Variants in LINGO2 observed in about 807,000 individuals in gnomAD.
LINGO2 encodes the protein leucine rich repeat and Ig domain containing 2.
In LINGO2, 14 loss-of-function variants were observed where a neutral mutation model predicts 30.6. That is an observed-to-expected ratio of 0.46 (90% CI 0.30 to 0.72). The LOEUF is 0.72. Among genes scored for constraint, LINGO2 ranks in the 30% least tolerant of loss-of-function variants. The pLI is 0.07. For missense variants in LINGO2, 729 were observed against 751.7 expected (o/e 0.97, Z 0.35); for synonymous variants, 317 against 288.5 (o/e 1.10, Z -1.00).
the LINGO2 span, among the ~76,000 whole-genome samples, chr9:29,213,230 T>G: frequency 6.6e-6 from 1 of 152,178 alleles, no homozygotes; most frequent in Non-Finnish European, 1.5e-5. Flanking sequence ...GTCAATTCCC[T>G]GGCATCAGGC....
intron 4 of LINGO2, among the ~76,000 whole-genome samples, chr9:28,291,315 A>G (rs1823718936): frequency 6.6e-6 from 1 of 152,192 alleles, no homozygotes; most frequent in Non-Finnish European, 1.5e-5. Context: ...AAGTGAACAG[A>G]AAAAGAGCTG....
chr9:28,254,074 G>A (rs1822300798), intron 4 of LINGO2, among the ~76,000 whole-genome samples: 1 of 151,968 alleles, frequency 6.6e-6, no homozygotes, highest in African/African-American at 2.4e-5. Flanking sequence ...ATATTTCATG[G>A]CCGTGTGACA....
At chr9:28,935,470 A>G in the LINGO2 span, among the ~76,000 whole-genome samples, 1 of 151,772 alleles carries the variant, frequency 6.6e-6, no homozygotes, top group Non-Finnish European at 1.5e-5. Flanking sequence ...TTAAAAGTTA[A>G]GGCAATGTAA....
At chr9:28,538,032 G>C (rs1821510749) in intron 1 of LINGO2, among the ~76,000 whole-genome samples, 1 of 151,988 alleles carries the variant, frequency 6.6e-6, no homozygotes, top group Non-Finnish European at 1.5e-5. Context: ...TGAAAAAATA[G>C]ATTTTAAGTA....
chr9:29,033,378 C>CTATATATATA, the LINGO2 span, among the ~76,000 whole-genome samples: 5,120 of 140,670 alleles, frequency 0.036, 115 homozygotes, highest in Middle Eastern at 0.078. Context: ...AACTGCTTTA[C>CTATATATATA]TATATATATA....
At chr9:28,773,023 A>G in the LINGO2 span, among the ~76,000 whole-genome samples, 1 of 152,240 alleles carries the variant, frequency 6.6e-6, no homozygotes, top group Admixed American at 6.5e-5. Flanking sequence ...ATAATCACAT[A>G]AAAGTGAAAT....
the LINGO2 span, among the ~76,000 whole-genome samples, chr9:29,029,684 A>G: frequency 6.6e-6 from 1 of 152,140 alleles, no homozygotes; most frequent in Admixed American, 6.6e-5. Context: ...ATCACTTTGA[A>G]GAGAAATGTA....
At chr9:28,947,502 C>A in the LINGO2 span, among the ~76,000 whole-genome samples, 1 of 151,992 alleles carries the variant, frequency 6.6e-6, no homozygotes, top group East Asian at 1.9e-4. Flanking sequence ...AAATAATGTA[C>A]ATACACATAG....
At chr9:28,413,267 C>A (rs1287451724) in intron 2 of LINGO2, among the ~76,000 whole-genome samples, 2 of 151,944 alleles carry the variant, frequency 1.3e-5, no homozygotes, top group Admixed American at 6.6e-5. Context: ...CATCTGAAAA[C>A]AGAATAATTT....
intron 4 of LINGO2, among the ~76,000 whole-genome samples, chr9:28,294,838 T>C (rs1409408034): frequency 6.6e-6 from 1 of 152,210 alleles, no homozygotes; most frequent in Non-Finnish European, 1.5e-5. Context: ...TATTCACTTC[T>C]ATATTGTGTA....
intron 4 of LINGO2, among the ~76,000 whole-genome samples, chr9:28,205,150 T>C (rs73645613): frequency 0.057 from 8,699 of 152,266 alleles, 357 homozygotes; most frequent in African/African-American, 0.11. Flanking sequence ...TAGGAGTATA[T>C]ATCACATTTA....
chr9:28,224,344 G>A (rs539310579), intron 4 of LINGO2, among the ~76,000 whole-genome samples: 12 of 152,292 alleles, frequency 7.9e-5, no homozygotes, highest in Admixed American at 4.6e-4. Context: ...GATTACAGGC[G>A]TGAGCCACCG....
intron 4 of LINGO2, among the ~76,000 whole-genome samples, chr9:28,100,393 G>A (rs1335241355): frequency 6.6e-6 from 1 of 152,158 alleles, no homozygotes; most frequent in East Asian, 1.9e-4. Flanking sequence ...AGGGAGGTAA[G>A]CAGAGGGCTT....
At chr9:28,508,554 T>C (rs933550711) in intron 1 of LINGO2, among the ~76,000 whole-genome samples, 1 of 152,106 alleles carries the variant, frequency 6.6e-6, no homozygotes, top group South Asian at 2.1e-4. Flanking sequence ...TGAAATGATT[T>C]TCCTACTTTT....
chr9:28,506,485 C>CATATATATAT (rs1491111372), intron 1 of LINGO2, among the ~76,000 whole-genome samples: 846 of 73,190 alleles, frequency 0.012, 124 homozygotes, highest in Middle Eastern at 0.026. Flanking sequence ...CACACATACA[C>CATATATATAT]ATACACACAC....
At chr9:28,040,307 C>T (rs1226781203) in intron 4 of LINGO2, among the ~76,000 whole-genome samples, 1 of 152,082 alleles carries the variant, frequency 6.6e-6, no homozygotes, top group Non-Finnish European at 1.5e-5. Context: ...ACCGGGAAGC[C>T]TTCACTACTA....
At chr9:29,176,272 T>A in the LINGO2 span, among the ~76,000 whole-genome samples, 1 of 152,196 alleles carries the variant, frequency 6.6e-6, no homozygotes, top group Non-Finnish European at 1.5e-5. Context: ...TCACTCTTGT[T>A]TTCCCCTGAT....
intron 4 of LINGO2, among the ~76,000 whole-genome samples, chr9:28,046,935 T>C (rs1406275762): frequency 6.6e-6 from 1 of 152,110 alleles, no homozygotes; most frequent in Non-Finnish European, 1.5e-5. Flanking sequence ...GTTCTGGGTA[T>C]GTGATTTGAG....
At position 27,988,689 on chromosome 9, in the gene LINGO2, GTTGT is replaced by G. The variant is rs562010376; in HGVS notation, c.-36+23662_-36+23665del. ...TATCCTTTGCCCACTTTTTGATGGG[GTTGT>G]TTGTTTCTGTTCTCCCTATCTTTAT... is the stretch of plus-strand genomic sequence containing the variant. On this transcript the variant is annotated intron_variant, in intron 5 of 5. Transcript: ENST00000379992. Among the ~76,000 whole-genome samples the G allele has an allele frequency of 1.7e-4, 26 of 151,936 alleles. No individual in the cohort carries two copies. The South Asian group carries it at 4.2e-3, about 24-fold the overall frequency.
Sources: gnomAD v4.1 joint callset for allele counts (sites outside exome capture counted in the v4.1 genomes callset) on GRCh38, gnomAD v4.1.1 for gene constraint, MANE v1.5 for transcripts, NCBI Gene and HGNC (gene_info 2026-07-23, HGNC 2026-07-21) for gene names.